Variants in ROR1 observed in about 807,000 individuals in gnomAD.
ROR1 encodes ROR family WNT receptor 1.
ROR1 carries 19 observed loss-of-function variants against 78.8 expected under a neutral mutation model. The observed-to-expected ratio is 0.24, with a 90% CI of 0.17 to 0.35. ROR1 has a LOEUF of 0.35. Ranked by LOEUF, ROR1 falls within the 10% of genes least tolerant of loss-of-function variation. ROR1 has a pLI of 1.00. For synonymous variants in ROR1, 386 were observed against 433.6 expected, an observed-to-expected ratio of 0.89 and a Z score of 1.36; for missense variants, 917 against 1,177.8, an observed-to-expected ratio of 0.78 and a Z score of 3.24.
In ROR1 at chr1:63,790,059, T is replaced by C. The variant is rs986880950; in HGVS notation, c.91+15551T>C. 7.9e-5 allele frequency among the ~76,000 whole-genome samples: 12 copies of C among 152,276 alleles called. No homozygotes were observed. In the East Asian group the frequency reaches 2.3e-3, roughly 29 times the overall value. ...TTGGCTCAGATGTCACATCCCTGAC[T>C]CAACAGGTGAGATTAGATTTCCACT... On this transcript the variant is annotated intron_variant, in intron 1 of 8. Coordinates refer to ENST00000371079, the MANE Select transcript of ROR1 (RefSeq NM_005012.4).
At chr1:63,910,120 G>A (rs947539495) in intron 1 of ROR1, among the ~76,000 whole-genome samples, 2 of 152,078 alleles carry the variant, frequency 1.3e-5, no homozygotes, top group East Asian at 3.9e-4. Flanking sequence ...TCAAGGCCAG[G>A]GATGCTGTCT....
chr1:64,026,513 A>G (rs891809286), intron 2 of ROR1, among the ~76,000 whole-genome samples: 8 of 152,226 alleles, frequency 5.3e-5, no homozygotes, highest in Non-Finnish European at 7.3e-5. Flanking sequence ...ATCTTGTAGT[A>G]TAATTTATGC....
At chr1:64,112,104 C>A (rs1204020657) in intron 4 of ROR1, 1 of 152,138 alleles carries the variant, frequency 6.6e-6, no homozygotes, top group Non-Finnish European at 1.5e-5. Context: ...GTTGAAGAGG[C>A]TGATCTGATC....
At position 63,832,537 on chromosome 1, in the gene ROR1, A is replaced by G. The variant is rs1316502988; in HGVS notation, c.91+58029A>G. Among the ~76,000 whole-genome samples, 4 of 152,316 alleles carry G rather than the reference A, an allele frequency of 2.6e-5. No individual in the cohort carries two copies. The East Asian group carries it at 7.7e-4, about 29-fold the overall frequency. ...GGGGACACAGAGCCAAACCGTATCAACCAGTGATGTGGCTTTGGGAATCAC... is the reference window on the plus strand; with the variant it reads ...GGGGACACAGAGCCAAACCGTATCAGCCAGTGATGTGGCTTTGGGAATCAC... On this transcript the variant is annotated intron_variant, in intron 1 of 8. Transcript: ENST00000371079.
Position 64,046,846 on chromosome 1 carries a change from C to T in ROR1, c.164-2845C>T, listed in dbSNP as rs1231205846. Among the ~76,000 whole-genome samples the T allele has an allele frequency of 3.9e-5, 6 of 152,326 alleles. 1 individual carries two copies. The highest frequency in any genetic ancestry group is 5.9e-5 in the Non-Finnish European group (4 of 68,024). On this transcript the variant is annotated intron_variant, in intron 2 of 8. Transcript: ENST00000371079. ...GACCTCAGTTCTGCCACAAGGCCTC[C>T]GGCAAGTCACTAAACCACTCTGATC... is the stretch of plus-strand genomic sequence containing the variant.
chr1:63,979,405 C>T (rs1646189906), intron 1 of ROR1, among the ~76,000 whole-genome samples: 1 of 152,058 alleles, frequency 6.6e-6, no homozygotes, highest in East Asian at 1.9e-4. Flanking sequence ...GGACTAGGAA[C>T]TAGGCTTGAA....
At chr1:63,817,902 A>G (rs1017353935) in intron 1 of ROR1, among the ~76,000 whole-genome samples, 3 of 152,094 alleles carry the variant, frequency 2.0e-5, no homozygotes, top group African/African-American at 7.2e-5. Flanking sequence ...GGAGAAGCCC[A>G]CCTCTGAAGC....
chr1:64,150,944 C>T (rs914591367), intron 7 of ROR1, among the ~76,000 whole-genome samples: 1 of 152,202 alleles, frequency 6.6e-6, no homozygotes, highest in Non-Finnish European at 1.5e-5. Flanking sequence ...TTTTTGGGCT[C>T]ACCACCATGC....
At chr1:64,063,619 T>A (rs979247712) in intron 4 of ROR1, among the ~76,000 whole-genome samples, 1 of 146,492 alleles carries the variant, frequency 6.8e-6, no homozygotes, top group Non-Finnish European at 1.5e-5. Flanking sequence ...TCTCTATGTC[T>A]CTTTCTCTGT....
intron 1 of ROR1, among the ~76,000 whole-genome samples, chr1:63,827,463 A>G (rs140706674): frequency 6.6e-6 from 1 of 152,120 alleles, no homozygotes; most frequent in Admixed American, 6.6e-5. Flanking sequence ...GAGGTAATCA[A>G]TACAAAGAAG....
At chr1:63,848,217 A>T (rs1645093305) in intron 1 of ROR1, among the ~76,000 whole-genome samples, 1 of 152,206 alleles carries the variant, frequency 6.6e-6, no homozygotes, top group Admixed American at 6.5e-5. Flanking sequence ...ATAATTTCTG[A>T]CTTGGTGTGG....
chr1:64,069,853 A>G (rs1646988979), intron 4 of ROR1, among the ~76,000 whole-genome samples: 1 of 152,188 alleles, frequency 6.6e-6, no homozygotes, highest in Non-Finnish European at 1.5e-5. Context: ...TACATGACAT[A>G]AAATATACAA....
intron 1 of ROR1, among the ~76,000 whole-genome samples, chr1:63,848,210 A>C (rs961766654): frequency 2.0e-5 from 3 of 152,182 alleles, no homozygotes; most frequent in Admixed American, 1.3e-4. Context: ...GATGGTTATA[A>C]TTTCTGACTT....
At chr1:63,903,714 A>G (rs1363710531) in intron 1 of ROR1, among the ~76,000 whole-genome samples, 1 of 151,934 alleles carries the variant, frequency 6.6e-6, no homozygotes, top group African/African-American at 2.4e-5. Flanking sequence ...CTATATAAGC[A>G]TATATAAACA....
At chr1:63,819,536 T>C (rs552272041) in intron 1 of ROR1, among the ~76,000 whole-genome samples, 1 of 152,178 alleles carries the variant, frequency 6.6e-6, no homozygotes, top group African/African-American at 2.4e-5. Context: ...ATGGATAGAG[T>C]TCTTTCCATT....
At chr1:63,938,812 A>G (rs1645813910) in intron 1 of ROR1, among the ~76,000 whole-genome samples, 1 of 152,158 alleles carries the variant, frequency 6.6e-6, no homozygotes, top group African/African-American at 2.4e-5. Context: ...CCTGAACAAC[A>G]TAGGGAGACC....
intron 1 of ROR1, among the ~76,000 whole-genome samples, chr1:63,838,876 ATATGTTTAGG>A (rs1645033658): frequency 6.6e-6 from 1 of 152,142 alleles, no homozygotes; most frequent in Non-Finnish European, 1.5e-5. Context: ...TGCATCTTTT[ATATGTTTAGG>A]TATGTTTAGC....
intron 2 of ROR1, among the ~76,000 whole-genome samples, chr1:64,014,881 T>C (rs1224176519): frequency 6.7e-6 from 1 of 148,808 alleles, no homozygotes; most frequent in African/African-American, 2.5e-5. Flanking sequence ...CTAAAGTTAC[T>C]ATGACTCTGA....
intron 1 of ROR1, among the ~76,000 whole-genome samples, chr1:63,993,168 C>T (rs1170300074): frequency 6.6e-6 from 1 of 152,256 alleles, no homozygotes; most frequent in Non-Finnish European, 1.5e-5. Flanking sequence ...TAAAACTCAA[C>T]TCAAAAGTCA....
Sources: allele counts gnomAD v4.1 joint callset (sites outside exome capture counted in the v4.1 genomes callset), GRCh38; gene constraint gnomAD v4.1.1; transcripts MANE v1.5; gene names NCBI Gene and HGNC (gene_info 2026-07-23, HGNC 2026-07-21).